Variants in SLC28A3 observed in about 807,000 individuals in gnomAD.
SLC28A3 encodes concentrative Na(+)-nucleoside cotransporter 3.
A neutral mutation model predicts 84.2 loss-of-function variants in SLC28A3; 68 were observed. The ratio of observed to expected loss-of-function variants is 0.81; its 90% CI spans 0.66 to 0.99. The LOEUF is 0.99. Among genes scored for constraint, SLC28A3 ranks in the 50% least tolerant of loss-of-function variants. SLC28A3 has a pLI of 0.00. For synonymous variants in SLC28A3, 267 were observed against 303.6 expected (o/e 0.88, Z 1.25); for missense variants, 712 against 841.5 (o/e 0.85, Z 1.90).
intron 1 of SLC28A3, among the ~76,000 whole-genome samples, chr9:84,335,712 C>CGTGTGTGTGTGT (rs56259271): frequency 8.1e-5 from 12 of 148,824 alleles, no homozygotes; most frequent in East Asian, 2.0e-4. Flanking sequence ...TATGTATATA[C>CGTGTGTGTGTGT]GTGTGTGTGT....
the SLC28A3 span, among the ~76,000 whole-genome samples, chr9:84,352,244 C>T: frequency 4.6e-5 from 7 of 152,018 alleles, no homozygotes; most frequent in Admixed American, 1.3e-4. Context: ...AGTGCAATGA[C>T]GTGATCTTGG....
At position 84,337,443 on chromosome 9, in the gene SLC28A3, C is replaced by T. The variant is rs946752035; in HGVS notation, c.60+3131G>A. ...CTGGGGATGCTAGCCTGTGTGTGTG[C>T]GCGCGCGTGTGTGTATGCGTATGTG... On this transcript the variant is annotated intron_variant, in intron 1 of 17. Coordinates refer to ENST00000376238, the MANE Select transcript of SLC28A3 (RefSeq NM_001199633.2). Among the ~76,000 whole-genome samples, 136 of 143,826 alleles carry T rather than the reference C, an allele frequency of 9.5e-4. 3 individuals are homozygous for T. Among genetic ancestry groups the T allele is most frequent in the African/African-American group, 3.0e-3 (116 of 38,304 alleles). 94.4% of individuals were successfully genotyped at this position (143,826 alleles called of 152,430 possible).
At chr9:84,311,074 A>G (rs1349370489) in intron 2 of SLC28A3, among the ~76,000 whole-genome samples, 1 of 152,074 alleles carries the variant, frequency 6.6e-6, no homozygotes, top group Non-Finnish European at 1.5e-5. Flanking sequence ...AGGCCGCTGG[A>G]GAGAGTTGTG....
intron 1 of SLC28A3, among the ~76,000 whole-genome samples, chr9:84,335,390 T>TA (rs1461467784): frequency 6.6e-6 from 1 of 151,920 alleles, no homozygotes; most frequent in Non-Finnish European, 1.5e-5. Flanking sequence ...ATATAAAAAA[T>TA]AAAAAAACTT....
intron 8 of SLC28A3, 140 bp downstream of exon 8, chr9:84,297,081 A>G: frequency 1.7e-6 from 1 of 578,530 alleles, no homozygotes; most frequent in South Asian, 2.6e-5. Flanking sequence ...AGTGGAAAAG[A>G]GCAGTGATGT....
chr9:84,294,156 G>C, intron 9 of SLC28A3, 39 bp downstream of exon 9: 1 of 1,600,932 alleles, frequency 6.2e-7, no homozygotes, highest in Non-Finnish European at 8.6e-7. Context: ...GAGATAATCA[G>C]CTCTACACCT....
chr9:84,291,424 C>T lies in SLC28A3; in HGVS notation c.1024-1145G>A, dbSNP rs866002597. Among the ~76,000 whole-genome samples, 101 of 152,276 alleles carry T rather than the reference C, an allele frequency of 6.6e-4. 1 individual carries two copies. The highest frequency in any genetic ancestry group is 2.2e-3 in the African/African-American group (91 of 41,550). ...TGATCTCGGCTCACTGCAACCTCCACCTCCTGGGTTCAAGCAATTCTCCTG... is the reference window on the plus strand; with the variant it reads ...TGATCTCGGCTCACTGCAACCTCCATCTCCTGGGTTCAAGCAATTCTCCTG... On this transcript the variant is annotated intron_variant, in intron 10 of 17. Transcript: ENST00000376238.
At chr9:84,323,260 A>T (rs1054496433) in intron 1 of SLC28A3, among the ~76,000 whole-genome samples, 2 of 152,210 alleles carry the variant, frequency 1.3e-5, no homozygotes, top group African/African-American at 4.8e-5. Context: ...CCCAGCAAGT[A>T]TATGATGTGG....
rs1236434491 is a variant in SLC28A3, at chr9:84,297,898, A to AAACTT, written c.783+3_783+7dup. The AAACTT allele has an allele frequency of 6.3e-7, 1 of 1,591,938 alleles. No homozygotes were observed. The highest frequency in any genetic ancestry group is 1.9e-5 in the Admixed American group (1 of 51,788). ...TAAAAGCAAAGTGTTCTTTTGAACCAAACTTACCTGAACTTGTCTGCCCAA... is the reference window on the plus strand; with the variant it reads ...TAAAAGCAAAGTGTTCTTTTGAACCAAACTTAACTTACCTGAACTTGTCTGCCCAA... On this transcript the variant is annotated splice_region_variant and intron_variant, in intron 7 of 17. Transcript: ENST00000376238.
chr9:84,307,445 A>ACAAG (rs1554726631), intron 3 of SLC28A3, among the ~76,000 whole-genome samples: 1 of 146,376 alleles, frequency 6.8e-6, no homozygotes, highest in Non-Finnish European at 1.5e-5. Flanking sequence ...AAAAAAAAAA[A>ACAAG]CAAAAACAAA....
At chr9:84,285,198 G>A in intron 14 of SLC28A3, 147 bp downstream of exon 14, 1 of 709,374 alleles carries the variant, frequency 1.4e-6, no homozygotes, top group Non-Finnish European at 2.3e-6. Context: ...TACATTATAA[G>A]CTCCATGAGC....
upstream of SLC28A3, among the ~76,000 whole-genome samples, chr9:84,343,714 C>A (rs906084879): frequency 1.2e-4 from 19 of 152,174 alleles, no homozygotes; most frequent in African/African-American, 4.6e-4. Context: ...AAAACAGAAA[C>A]ATGGCCATTG....
the SLC28A3 span, among the ~76,000 whole-genome samples, chr9:84,346,250 A>G: frequency 6.6e-6 from 1 of 152,250 alleles, no homozygotes; most frequent in African/African-American, 2.4e-5. Flanking sequence ...GCACAAGCTC[A>G]TTAAAGAAAA....
At chr9:84,283,068 T>G (rs989988981) in intron 14 of SLC28A3, among the ~76,000 whole-genome samples, 2 of 152,222 alleles carry the variant, frequency 1.3e-5, no homozygotes, top group Non-Finnish European at 2.9e-5. Context: ...GGCATGCTTA[T>G]TAAGAGATTG....
intron 3 of SLC28A3, among the ~76,000 whole-genome samples, chr9:84,306,761 A>T (rs966552018): frequency 2.6e-5 from 4 of 152,110 alleles, no homozygotes; most frequent in Non-Finnish European, 5.9e-5. Flanking sequence ...TGATTGATAG[A>T]TGAATGAAAT....
chr9:84,365,730 G>C, the SLC28A3 span, among the ~76,000 whole-genome samples: 1 of 152,022 alleles, frequency 6.6e-6, no homozygotes, highest in African/African-American at 2.4e-5. Context: ...TTCTTTTACT[G>C]TCTCTGTATA....
chr9:84,326,630 TAAAAACAACAACAAC>T (rs2118546902), intron 1 of SLC28A3, among the ~76,000 whole-genome samples: 1 of 132,218 alleles, frequency 7.6e-6, no homozygotes, highest in Non-Finnish European at 1.6e-5. Flanking sequence ...ATAGATGGAT[TAAAAACAACAACAAC>T]AACAACAACA....
the SLC28A3 span, among the ~76,000 whole-genome samples, chr9:84,365,900 A>G: frequency 6.6e-6 from 1 of 152,074 alleles, no homozygotes; most frequent in Admixed American, 6.6e-5. Context: ...AAAATACAAA[A>G]TTAGCCAGGC....
At chr9:84,282,905 T>G (rs1588558763) in intron 14 of SLC28A3, among the ~76,000 whole-genome samples, 1 of 152,214 alleles carries the variant, frequency 6.6e-6, no homozygotes, top group Non-Finnish European at 1.5e-5. Context: ...AGAACTCTCC[T>G]TTGTTGATAT....
Sources: gnomAD v4.1 joint callset for allele counts (sites outside exome capture counted in the v4.1 genomes callset) on GRCh38, gnomAD v4.1.1 for gene constraint, MANE v1.5 for transcripts, NCBI Gene and HGNC (gene_info 2026-07-23, HGNC 2026-07-21) for gene names.